The following LGALS8 variants were observed in gnomAD, a reference collection of about 807,000 sequenced individuals.
LGALS8 encodes the protein galectin-8.
Under a neutral mutation model 35.9 loss-of-function variants are expected in LGALS8, and 30 were observed. That is an observed-to-expected ratio of 0.83 (90% CI 0.62 to 1.13). LGALS8 has a LOEUF of 1.13. Ranked by LOEUF, LGALS8 falls within the 50% of genes most tolerant of loss-of-function variation. The probability of loss-of-function intolerance (pLI) is 0.00; values close to 1 mark genes in which losing one functional copy is unlikely to be tolerated. For missense variants in LGALS8, 366 were observed against 388.7 expected (o/e 0.94, Z 0.49); for synonymous variants, 138 against 136.1 (o/e 1.01, Z -0.10).
At chr1:236,521,027 C>T (rs1660533590), upstream of LGALS8, among the ~76,000 whole-genome samples, 1 of 152,232 alleles carries the variant, frequency 6.6e-6, no homozygotes, top group South Asian at 2.1e-4. Flanking sequence ...CACTCAGGTG[C>T]TCCCAATTTA....
At chr1:236,529,622 G>GTTT (rs11316979) in intron 2 of LGALS8, among the ~76,000 whole-genome samples, 8 of 114,744 alleles carry the variant, frequency 7.0e-5, no homozygotes, top group Non-Finnish European at 9.8e-5. Context: ...TTCCTTTTCT[G>GTTT]TTTTTTTTTT....
intron 9 of LGALS8, chr1:236,545,241 G>A (rs1662290250): frequency 7.2e-6 from 1 of 139,008 alleles, no homozygotes; most frequent in Admixed American, 8.0e-5. Context: ...CAGACTTGAG[G>A]ACGTGGAGAC....
At position 236,542,982 on chromosome 1, in the gene LGALS8, C is replaced by T. The variant is rs759962063; in HGVS notation, c.549+195C>T. On this transcript the variant is annotated intron_variant, in intron 7 of 9. Coordinates refer to ENST00000366584, the MANE Select transcript of LGALS8 (RefSeq NM_201544.4). ...ACTGTCTACACCAAGAGCAAAGATT[C>T]GACTGTCAATCACACTTTGACTTGC... 1.4e-5 allele frequency: 23 copies of T among 1,614,008 alleles called. No homozygotes were observed. The highest frequency in any genetic ancestry group is 8.3e-5 in the Admixed American group (5 of 59,994).
chr1:236,533,990 C>A (rs144064220), intron 2 of LGALS8, among the ~76,000 whole-genome samples: 1 of 152,296 alleles, frequency 6.6e-6, no homozygotes, highest in African/African-American at 2.4e-5. Context: ...ATGTAGCTGC[C>A]TTTGACCCCA....
At position 236,537,566 on chromosome 1, in the gene LGALS8, G is replaced by A. The variant is rs1487152494; in HGVS notation, c.115G>A (p.Val39Ile). Reference sequence around the variant, plus strand: ...AACTTTGATTGTGATACGTGGGCATGTTCCTAGTGACGCAGACAGGTAAAA... The same window carrying A: ...AACTTTGATTGTGATACGTGGGCATATTCCTAGTGACGCAGACAGGTAAAA... ...PGTLIVIRGH[V>I]PSDADRFQVD... Residue 39 changes from valine to isoleucine, a missense_variant, in exon 3 of 10, where the codon GTT becomes ATT. Val to Ile is a conservative substitution (Grantham distance 29, BLOSUM62 3). Transcript: ENST00000366584. 1.9e-6 allele frequency: 3 copies of A among 1,602,948 alleles called. No individual in the cohort carries two copies. Among genetic ancestry groups the A allele is most frequent in the African/African-American group, 1.3e-5 (1 of 74,776 alleles).
chr1:236,522,167 A>G (rs1034403584), upstream of LGALS8, among the ~76,000 whole-genome samples: 10 of 152,230 alleles, frequency 6.6e-5, no homozygotes, highest in African/African-American at 2.4e-4. Context: ...GGATTTATGA[A>G]CATTTTAATC....
At chr1:236,521,776 T>C (rs1236771094), upstream of LGALS8, among the ~76,000 whole-genome samples, 2 of 150,926 alleles carry the variant, frequency 1.3e-5, no homozygotes, top group Admixed American at 6.6e-5. Flanking sequence ...TGCAGTGAGC[T>C]GAGAATGTAA....
rs1006009663 is a variant in LGALS8 at position 236,526,857 on chromosome 1, G to A, written c.45+742G>A. On this transcript the variant is annotated intron_variant, in intron 2 of 9. Transcript: ENST00000366584. The surrounding 1 kb of genome is among the most constrained non-coding windows in gnomAD (Gnocchi z 4.6). Reference sequence around the variant, plus strand: ...TAAAATGAGGCCCTAAACCAGTTTTGTTAGTGTGTGTGGGTTCAAGTTTTT... The same window carrying A: ...TAAAATGAGGCCCTAAACCAGTTTTATTAGTGTGTGTGGGTTCAAGTTTTT... Among the ~76,000 whole-genome samples the A allele has an allele frequency of 6.6e-6, 1 of 152,118 alleles. No individual in the cohort carries two copies. Among genetic ancestry groups the A allele is most frequent in the Non-Finnish European group, 1.5e-5 (1 of 68,010 alleles).
upstream of LGALS8, among the ~76,000 whole-genome samples, chr1:236,520,286 G>A (rs901477276): frequency 6.6e-6 from 1 of 150,840 alleles, no homozygotes; most frequent in Non-Finnish European, 1.5e-5. Flanking sequence ...TTTTAAGTAT[G>A]TGTGTAGTAA....
chr1:236,538,086 CAA>C (rs548113542), intron 3 of LGALS8, among the ~76,000 whole-genome samples: 1 of 50,046 alleles, frequency 2.0e-5, no homozygotes, highest in Non-Finnish European at 5.6e-5. Context: ...GCCTGGGTGA[CAA>C]AAAAAAAAAA....
chr1:236,528,393 A>AC (rs199624541), intron 2 of LGALS8, among the ~76,000 whole-genome samples: 11,652 of 91,924 alleles, frequency 0.13, 1,110 homozygotes, highest in African/African-American at 0.26. Flanking sequence ...AAAAAAAAAA[A>AC]ACCCCCCCAC....
Position 236,544,228 on chromosome 1 carries a change from GGT to G in LGALS8, c.639-518_639-517del, listed in dbSNP as rs539936838. On this transcript the variant is annotated intron_variant, in intron 8 of 9. Coordinates refer to ENST00000366584, the MANE Select transcript of LGALS8 (RefSeq NM_201544.4). The stretch of plus-strand genomic sequence containing the variant: ...TCGCCCTCCCAGTGCTGGGATTACA[GGT>G]GTGAGTCACCACGCCCAGCCCAGGC... Among the ~76,000 whole-genome samples, 302 of 152,304 alleles carry G rather than the reference GGT, an allele frequency of 2.0e-3. 2 individuals are homozygous for G. The highest frequency in any genetic ancestry group is 6.9e-3 in the African/African-American group (288 of 41,570).
At chr1:236,547,797 C>T (rs1263844685) in intron 9 of LGALS8, among the ~76,000 whole-genome samples, 2 of 152,132 alleles carry the variant, frequency 1.3e-5, no homozygotes, top group Non-Finnish European at 2.9e-5. Context: ...CAAACATGTC[C>T]GAGTCACTTC....
chr1:236,540,292 G>A (rs1197566034), intron 4 of LGALS8: 9 of 324,564 alleles, frequency 2.8e-5, no homozygotes, highest in South Asian at 1.2e-4. Context: ...ATGCAGAGGC[G>A]CACACAAGCA....
intron 2 of LGALS8, among the ~76,000 whole-genome samples, chr1:236,530,769 C>G (rs963686545): frequency 1.3e-5 from 2 of 152,182 alleles, no homozygotes; most frequent in Non-Finnish European, 2.9e-5. Context: ...CATTTATGTC[C>G]AAACCAGTGG....
upstream of LGALS8, among the ~76,000 whole-genome samples, chr1:236,522,339 C>T (rs948627372): frequency 3.3e-5 from 5 of 152,170 alleles, no homozygotes; most frequent in African/African-American, 9.7e-5. Flanking sequence ...CTTGGTGTCT[C>T]ATGCCTGTAA....
At chr1:236,521,994 T>C (rs1228410460), upstream of LGALS8, among the ~76,000 whole-genome samples, 1 of 152,208 alleles carries the variant, frequency 6.6e-6, no homozygotes, top group Non-Finnish European at 1.5e-5. Flanking sequence ...GATGTGGGAC[T>C]CTATCTAGAA....
At chr1:236,519,738 T>A (rs1408997770), upstream of LGALS8, among the ~76,000 whole-genome samples, 4 of 152,140 alleles carry the variant, frequency 2.6e-5, no homozygotes, top group Non-Finnish European at 4.4e-5. Flanking sequence ...TTGCCCTGGA[T>A]AACTTCAAGG....
chr1:236,520,122 A>G (rs1399069359), upstream of LGALS8, among the ~76,000 whole-genome samples: 1 of 151,702 alleles, frequency 6.6e-6, no homozygotes, highest in Admixed American at 6.6e-5. Context: ...AGGCCCAGCT[A>G]ATTATTGTAT....
Sources: gnomAD v4.1 joint callset for allele counts (sites outside exome capture counted in the v4.1 genomes callset) on GRCh38, gnomAD v4.1.1 for gene constraint, Gnocchi (gnomAD v3.1) non-coding constraint, MANE v1.5 for transcripts, NCBI Gene and HGNC (gene_info 2026-07-23, HGNC 2026-07-21) for gene names.